Variants in C2CD5 observed in about 807,000 individuals in gnomAD.
The protein encoded by C2CD5 is C2 calcium dependent domain containing 5, also known as C2 domain-containing protein 5.
In C2CD5, 109 loss-of-function variants were observed where a neutral mutation model predicts 130.3. That is an observed-to-expected ratio of 0.84 (90% CI 0.72 to 0.98). The LOEUF is 0.98. C2CD5 is among the 50% of genes least tolerant of loss of function. C2CD5 has a pLI of 0.00. For synonymous variants in C2CD5, 454 were observed against 429.2 expected, an observed-to-expected ratio of 1.06 and a Z score of -0.71; for missense variants, 996 against 1,261.8, an observed-to-expected ratio of 0.79 and a Z score of 3.19.
At chr12:22,526,418 T>C (rs1950722487) in intron 4 of C2CD5, among the ~76,000 whole-genome samples, 1 of 152,186 alleles carries the variant, frequency 6.6e-6, no homozygotes, top group African/African-American at 2.4e-5. Flanking sequence ...TTAATAAAAA[T>C]TAAGTAATTT....
intron 24 of C2CD5, among the ~76,000 whole-genome samples, chr12:22,457,565 A>T (rs2136003426): frequency 6.6e-6 from 1 of 152,294 alleles, no homozygotes; most frequent in East Asian, 1.9e-4. Flanking sequence ...AGACGACTTC[A>T]TCATTGTCAA....
intron 22 of C2CD5, among the ~76,000 whole-genome samples, chr12:22,463,161 C>A (rs574777984): frequency 6.6e-6 from 1 of 151,738 alleles, no homozygotes; most frequent in African/African-American, 2.4e-5. Context: ...CCAAGGCAGG[C>A]GGATCACTTG....
At chr12:22,507,292 A>G (rs575654692) in intron 9 of C2CD5, among the ~76,000 whole-genome samples, 2 of 152,304 alleles carry the variant, frequency 1.3e-5, no homozygotes, top group South Asian at 2.1e-4. Flanking sequence ...CCAAAGGAGG[A>G]TAAGTGAGAG....
chr12:22,540,814 G>T (rs371929311), intron 2 of C2CD5, among the ~76,000 whole-genome samples: 1 of 152,152 alleles, frequency 6.6e-6, no homozygotes, highest in African/African-American at 2.4e-5. Context: ...AGCCAAGATC[G>T]TGCCACTACA....
intron 24 of C2CD5, 43 bp downstream of exon 24, chr12:22,458,441 A>G: frequency 2.2e-6 from 2 of 911,160 alleles, no homozygotes; most frequent in Non-Finnish European, 2.9e-6. Flanking sequence ...AATCAGGGAT[A>G]TGTTTCTCAG....
intron 21 of C2CD5, 94 bp downstream of exon 21, chr12:22,470,730 A>C (rs1942886215): frequency 1.4e-6 from 1 of 719,022 alleles, no homozygotes; most frequent in African/African-American, 1.8e-5. Context: ...TCAAGAAATA[A>C]GTAATTTATT....
intron 3 of C2CD5, among the ~76,000 whole-genome samples, 194 bp from the exon 4 acceptor site, chr12:22,528,086 A>G (rs571311758): frequency 6.6e-6 from 1 of 152,336 alleles, no homozygotes; most frequent in African/African-American, 2.4e-5. Context: ...CCATCTTTCT[A>G]AAGAAAAAAA....
chr12:22,512,804 T>A, intron 9 of C2CD5: 1 of 573,964 alleles, frequency 1.7e-6, no homozygotes, highest in Non-Finnish European at 3.0e-6. Flanking sequence ...CTGAAATAGA[T>A]GCATTATACT....
intron 11 of C2CD5, among the ~76,000 whole-genome samples, 199 bp downstream of exon 11, chr12:22,493,024 G>T (rs970260575): frequency 1.3e-5 from 2 of 152,156 alleles, no homozygotes; most frequent in Non-Finnish European, 2.9e-5. Flanking sequence ...TTGAGGCTCA[G>T]AAGAGTTAAA....
At chr12:22,537,635 T>C (rs917879904) in intron 2 of C2CD5, among the ~76,000 whole-genome samples, 5 of 152,242 alleles carry the variant, frequency 3.3e-5, no homozygotes, top group Non-Finnish European at 7.3e-5. Flanking sequence ...TACCTACTCA[T>C]TAGCTAAATT....
chr12:22,544,334 G>A lies in C2CD5; in HGVS notation c.-44C>T, dbSNP rs1428639760. 4 of 523,890 alleles carry A rather than the reference G, an allele frequency of 7.6e-6. No individual in the cohort carries two copies. The highest frequency in any genetic ancestry group is 6.2e-5 in the African/African-American group (3 of 48,498). 32.5% of individuals were successfully genotyped at this position (523,890 alleles called of 1,614,324 possible). A position where few individuals can be genotyped will look rare whatever the true frequency, so the allele number is the denominator to read the frequency against. ...TCGCCACTCACTGTCGCAGGAGGAA[G>A]GGTGCTGTCCCGCGCGGGTGCTGAG... On this transcript the variant is annotated 5_prime_UTR_variant, in exon 1 of 27. Coordinates refer to ENST00000446597, the MANE Select transcript of C2CD5 (RefSeq NM_001286176.2).
At chr12:22,465,557 A>C (rs765564517) in intron 22 of C2CD5, among the ~76,000 whole-genome samples, 7 of 152,114 alleles carry the variant, frequency 4.6e-5, no homozygotes, top group Non-Finnish European at 7.4e-5. Context: ...TACATGTATA[A>C]AATTCTTGAG....
intron 3 of C2CD5, among the ~76,000 whole-genome samples, chr12:22,533,938 C>G (rs535456306): frequency 6.6e-6 from 1 of 152,340 alleles, no homozygotes; most frequent in Admixed American, 6.5e-5. Flanking sequence ...GTAATCCTAG[C>G]ACTTTGGGAG....
intron 14 of C2CD5, among the ~76,000 whole-genome samples, chr12:22,481,566 A>G (rs1300093351): frequency 2.0e-5 from 3 of 149,222 alleles, no homozygotes; most frequent in Non-Finnish European, 4.4e-5. Context: ...GTCAGAATTT[A>G]TTTGCTAACA....
chr12:22,461,293 T>C (rs1941097494), intron 22 of C2CD5, among the ~76,000 whole-genome samples: 2 of 152,258 alleles, frequency 1.3e-5, no homozygotes, highest in South Asian at 2.1e-4. Flanking sequence ...ACAGAACATA[T>C]AGCTGGCATT....
intron 13 of C2CD5, among the ~76,000 whole-genome samples, chr12:22,483,478 A>C (rs1945019791): frequency 6.6e-6 from 1 of 152,162 alleles, no homozygotes; most frequent in African/African-American, 2.4e-5. Context: ...GTGAAAGAGT[A>C]CTTCAATGTG....
chr12:22,537,194 C>G (rs1288281134), intron 2 of C2CD5, among the ~76,000 whole-genome samples: 1 of 152,078 alleles, frequency 6.6e-6, no homozygotes, highest in Admixed American at 6.6e-5. Flanking sequence ...ACTGTTCATT[C>G]TAAATAAAGA....
Position 22,506,784 on chromosome 12 carries a change from A to C in C2CD5, c.1074T>G (p.Pro358=). 3.1e-6 allele frequency: 5 copies of C among 1,612,012 alleles called. No individual in the cohort carries two copies. Among genetic ancestry groups the C allele is most frequent in the Non-Finnish European group, 4.2e-6 (5 of 1,178,082 alleles). ...CACCCCCAACGTGTACAAGGAATCC[A>C]GGAGGAAATGCCGTCAAGGTAAAAA... The part of the protein sequence containing the change: ...FPFFTLTAFP[P]GFLVHVGGVV... Residue 358 remains proline (P), a synonymous_variant, in exon 10 of 27, where the codon CCT becomes CCG. Transcript: ENST00000446597.
rs1442171382 is a variant in C2CD5 at position 22,530,103 on chromosome 12, TATATATATAC to T, written c.178-2221_178-2212del. On this transcript the variant is annotated intron_variant, in intron 3 of 26. Transcript: ENST00000446597. ...ATATATATATATATATATATATATA[TATATATATAC>T]ACACACACACACACACACACACACA... 5.7e-3 allele frequency among the ~76,000 whole-genome samples: 659 copies of T among 115,696 alleles called. 6 individuals are homozygous for T. The highest frequency in any genetic ancestry group is 0.024 in the African/African-American group (634 of 26,940). The allele number at this position is 115,696 out of a possible 152,430, so 75.9% of individuals were successfully genotyped here.
Sources: allele counts gnomAD v4.1 joint callset (sites outside exome capture counted in the v4.1 genomes callset), GRCh38; gene constraint gnomAD v4.1.1; transcripts MANE v1.5; gene names NCBI Gene and HGNC (gene_info 2026-07-23, HGNC 2026-07-21).